Variants in PRDM15 observed in about 807,000 individuals in gnomAD.
PRDM15 encodes the protein PR/SET domain 15, also known as PR domain zinc finger protein 15.
In PRDM15, 64 loss-of-function variants were observed where a neutral mutation model predicts 128.6. The ratio of observed to expected loss-of-function variants is 0.50; its 90% CI spans 0.41 to 0.61. The LOEUF is 0.61. PRDM15 is among the 20% of genes least tolerant of loss of function. The probability of loss-of-function intolerance (pLI) is 0.00; values close to 1 mark genes in which losing one functional copy is unlikely to be tolerated. For synonymous variants in PRDM15, 615 were observed against 621.8 expected (o/e 0.99, Z 0.16); for missense variants, 1,242 against 1,569.1 (o/e 0.79, Z 3.52).
Position 41,810,900 on chromosome 21 carries a change from T to C in PRDM15, c.2393-64A>G, listed in dbSNP as rs1389232287. The C allele has an allele frequency of 1.7e-5, 25 of 1,455,026 alleles. No individual in the cohort carries two copies. Among genetic ancestry groups the C allele is most frequent in the Non-Finnish European group, 2.4e-5 (25 of 1,035,876 alleles). 90.1% of individuals were successfully genotyped at this position (1,455,026 alleles called of 1,614,324 possible). On this transcript the variant is annotated intron_variant, in intron 19 of 23. Coordinates refer to ENST00000398548, the MANE Select transcript of PRDM15 (RefSeq NM_001040424.3). This position sits in a 1 kb window ranked among gnomAD's most constrained non-coding sequence, Gnocchi z 6.4. ...AGTGTTGTAAGTCCACATCAGGGCA[T>C]GTCTTCTCCCTGACACGTTCCAGGC...
At chr21:41,865,030 C>T (rs1244042584) in intron 1 of PRDM15, among the ~76,000 whole-genome samples, 2 of 151,132 alleles carry the variant, frequency 1.3e-5, no homozygotes, top group Non-Finnish European at 3.0e-5. Context: ...CCACTCCCCA[C>T]TCCCCTGCTC....
chr21:41,840,831 G>A (rs1388353409), intron 6 of PRDM15, among the ~76,000 whole-genome samples: 1 of 151,886 alleles, frequency 6.6e-6, no homozygotes, highest in Non-Finnish European at 1.5e-5. Context: ...ATAACAAGCG[G>A]TTATGAAAAA....
chr21:41,847,279 G>A, intron 5 of PRDM15, 88 bp from the exon 6 acceptor site: 1 of 887,306 alleles, frequency 1.1e-6, no homozygotes, highest in Non-Finnish European at 1.7e-6. Flanking sequence ...AGGGGTGTGT[G>A]CTGAGAGGCG....
intron 11 of PRDM15, among the ~76,000 whole-genome samples, chr21:41,830,052 C>T (rs2062628650): frequency 6.6e-6 from 1 of 151,506 alleles, no homozygotes; most frequent in Non-Finnish European, 1.5e-5. Context: ...ATACAACGTA[C>T]ACCCACACAT....
intron 1 of PRDM15, chr21:41,878,931 GCGGGGGGCGCGAGGCAGGGGA>G (rs2064531134): frequency 9.4e-6 from 9 of 955,546 alleles, no homozygotes; most frequent in Non-Finnish European, 1.1e-5. Flanking sequence ...CCGCGGGCGG[GCGGGGGGCGCGAGGCAGGGGA>G]CGGGGGCGCG....
Position 41,879,080 on chromosome 21 carries a change from C to T in PRDM15, c.-10+190G>A. 2.7e-6 allele frequency: 3 copies of T among 1,130,896 alleles called. No individual in the cohort carries two copies. The highest frequency in any genetic ancestry group is 3.2e-4 in the Middle Eastern group (1 of 3,096). The allele number at this position is 1,130,896 out of a possible 1,614,324, so 70.1% of individuals were successfully genotyped here. A position where few individuals can be genotyped will look rare whatever the true frequency, so the allele number is the denominator to read the frequency against. On this transcript the variant is annotated intron_variant, in intron 1 of 23. Transcript: ENST00000398548. This position sits in a 1 kb window ranked among gnomAD's most constrained non-coding sequence, Gnocchi z 5.1. ...TTTGACTCCGATCGCCAACGGTGCC[C>T]GCAGCCGGCGAATGTAACAAAGAAC... is the stretch of plus-strand genomic sequence containing the variant.
intron 2 of PRDM15, among the ~76,000 whole-genome samples, chr21:41,860,065 T>G (rs112972790): frequency 4.6e-5 from 7 of 152,304 alleles, no homozygotes; most frequent in Middle Eastern, 3.4e-3. Context: ...AGCCCTGGAT[T>G]ACTTTTCTGA....
intron 21 of PRDM15, among the ~76,000 whole-genome samples, chr21:41,809,162 G>C (rs2061776865): frequency 6.6e-6 from 1 of 152,170 alleles, no homozygotes; most frequent in East Asian, 1.9e-4. Flanking sequence ...GTGTTTCTCA[G>C]TGAGTGCTTG....
At position 41,836,665 on chromosome 21, in the gene PRDM15, A is replaced by C. The variant is rs962088624; in HGVS notation, c.1002-16T>G. On this transcript the variant is annotated splice_polypyrimidine_tract_variant and intron_variant, in intron 8 of 23. Transcript: ENST00000398548. ...ATGGGTGAACCTGCCCAGGGACGTC[A>C]ATAAGTTGGGAAAAGACAGGTGGGA... is the stretch of plus-strand genomic sequence containing the variant. 1 of 1,579,106 alleles carries C rather than the reference A, an allele frequency of 6.3e-7. No homozygotes were observed. The highest frequency in any genetic ancestry group is 1.4e-5 in the African/African-American group (1 of 73,892).
intron 6 of PRDM15, among the ~76,000 whole-genome samples, chr21:41,841,885 C>G (rs1264490280): frequency 6.6e-6 from 1 of 152,118 alleles, no homozygotes; most frequent in African/African-American, 2.4e-5. Context: ...CCAATTTTTG[C>G]TTATTATTAG....
chr21:41,856,081 TCCC>T (rs1174197599), intron 4 of PRDM15, among the ~76,000 whole-genome samples: 2 of 16,284 alleles, frequency 1.2e-4, no homozygotes, highest in Admixed American at 9.3e-4. Context: ...CTCCCTTCCT[TCCC>T]TCCCTCCCCT....
In PRDM15 at chr21:41,833,478, C is replaced by T. The variant is rs200923718; in HGVS notation, c.1366+1959G>A. ...ATGGGGAAGGCGTGACTCCCACATT[C>T]TTGGTTTAATTCTTGGTACAAATTC... On this transcript the variant is annotated intron_variant, in intron 11 of 23. Coordinates refer to ENST00000398548, the MANE Select transcript of PRDM15 (RefSeq NM_001040424.3). Among the ~76,000 whole-genome samples the T allele has an allele frequency of 1.2e-4, 19 of 152,270 alleles. No homozygotes were observed. The East Asian group carries it at 3.7e-3, about 29-fold the overall frequency.
intron 13 of PRDM15, among the ~76,000 whole-genome samples, chr21:41,824,024 G>A (rs951180299): frequency 1.3e-5 from 2 of 152,222 alleles, no homozygotes; most frequent in African/African-American, 4.8e-5. Flanking sequence ...CACTGGCACA[G>A]AGCAGTGGAC....
intron 1 of PRDM15, among the ~76,000 whole-genome samples, chr21:41,875,710 T>C (rs2064389362): frequency 6.6e-6 from 1 of 152,268 alleles, no homozygotes; most frequent in African/African-American, 2.4e-5. Context: ...TATATATTCA[T>C]GCTTGAAATC....
chr21:41,836,824 C>T (rs544315295), intron 8 of PRDM15, 175 bp from the exon 9 acceptor site: 2 of 540,390 alleles, frequency 3.7e-6, no homozygotes, highest in Non-Finnish European at 6.6e-6. Flanking sequence ...CTGAAAGGGA[C>T]ACCTTGAATA....
Position 41,859,689 on chromosome 21 carries a change from C to T in PRDM15, c.38-4G>A. 6.2e-7 allele frequency: 1 copy of T among 1,613,280 alleles called. No individual in the cohort carries two copies. The highest frequency in any genetic ancestry group is 8.5e-7 in the Non-Finnish European group (1 of 1,179,566). Reference sequence around the variant, plus strand: ...TACTGGCTGCAGTCTTCACACCCTGCAAGCAGACATCCGGGCATTAGAGCA... The same window carrying T: ...TACTGGCTGCAGTCTTCACACCCTGTAAGCAGACATCCGGGCATTAGAGCA... On this transcript the variant is annotated splice_region_variant and splice_polypyrimidine_tract_variant and intron_variant, in intron 2 of 23. Transcript: ENST00000398548. This position sits in a 1 kb window ranked among gnomAD's most constrained non-coding sequence, Gnocchi z 5.3.
chr21:41,838,128 T>G, intron 7 of PRDM15, 65 bp from the exon 8 acceptor site: 1 of 1,570,916 alleles, frequency 6.4e-7, no homozygotes, highest in Non-Finnish European at 8.7e-7. Context: ...AGTCAAACCA[T>G]GGTGACACAC....
Position 41,801,165 on chromosome 21 carries a change from G to A in PRDM15, c.*75C>T, listed in dbSNP as rs2061404475. 1 of 1,488,106 alleles carries A rather than the reference G, an allele frequency of 6.7e-7. No homozygotes were observed. The highest frequency in any genetic ancestry group is 1.4e-5 in the African/African-American group (1 of 71,538). The allele number at this position is 1,488,106 out of a possible 1,614,324, so 92.2% of individuals were successfully genotyped here. Reference sequence around the variant, plus strand: ...CAATGTATGACTTTTTGTTTGTTTGGTATCCAGCAAACACATCTAAACAAA... The same window carrying A: ...CAATGTATGACTTTTTGTTTGTTTGATATCCAGCAAACACATCTAAACAAA... On this transcript the variant is annotated 3_prime_UTR_variant, in exon 24 of 24. Transcript: ENST00000398548.
intron 5 of PRDM15, among the ~76,000 whole-genome samples, chr21:41,849,320 C>T (rs895397669): frequency 6.6e-6 from 1 of 152,174 alleles, no homozygotes; most frequent in Non-Finnish European, 1.5e-5. Context: ...GTAATCCCAG[C>T]GCTTTGGGAG....
Sources: gnomAD v4.1 joint callset for allele counts (sites outside exome capture counted in the v4.1 genomes callset) on GRCh38, gnomAD v4.1.1 for gene constraint, Gnocchi (gnomAD v3.1) non-coding constraint, MANE v1.5 for transcripts, NCBI Gene and HGNC (gene_info 2026-07-23, HGNC 2026-07-21) for gene names.